VPS13A: variants seen among roughly 807,000 people sequenced by gnomAD.
VPS13A encodes intermembrane lipid transfer protein VPS13A.
A neutral mutation model predicts 390.9 loss-of-function variants in VPS13A; 264 were observed. That is an observed-to-expected ratio of 0.68 (90% CI 0.61 to 0.75). VPS13A has a LOEUF of 0.75. Ranked by LOEUF, VPS13A falls within the 30% of genes least tolerant of loss-of-function variation. VPS13A has a pLI of 0.00. For missense variants in VPS13A, 3,409 were observed against 3,733.9 expected (o/e 0.91, Z 2.27); for synonymous variants, 1,231 against 1,227.1 (o/e 1.00, Z -0.07).
At chr9:77,290,192 G>C (rs2131365096) in intron 31 of VPS13A, among the ~76,000 whole-genome samples, 1 of 152,254 alleles carries the variant, frequency 6.6e-6, no homozygotes, top group South Asian at 2.1e-4. Context: ...ATTTTTCTGA[G>C]TGACATTTTT....
intron 68 of VPS13A, among the ~76,000 whole-genome samples, chr9:77,397,366 CAT>C (rs1390104068): frequency 5.9e-5 from 9 of 152,102 alleles, no homozygotes; most frequent in East Asian, 1.9e-4. Flanking sequence ...TTGTCTTCCA[CAT>C]GAGTCAGATA....
At chr9:77,394,939 G>A (rs1834062154) in intron 68 of VPS13A, among the ~76,000 whole-genome samples, 1 of 152,196 alleles carries the variant, frequency 6.6e-6, no homozygotes, top group South Asian at 2.1e-4. Context: ...GCTTTGGCTT[G>A]AAGAAATGTT....
intron 70 of VPS13A, among the ~76,000 whole-genome samples, chr9:77,407,072 T>C (rs1834648676): frequency 6.6e-6 from 1 of 152,180 alleles, no homozygotes; most frequent in South Asian, 2.1e-4. Context: ...ATGGCAGAAG[T>C]ACATACATGC....
chr9:77,419,868 T>TA lies in VPS13A; in HGVS notation c.*3863dup, dbSNP rs1455017557. ...AAGGCCTTTAAAAATGGGGAGCTAA[T>TA]ACGTAGGGCACATTCTGGTAGGGCC... On this transcript the variant is annotated 3_prime_UTR_variant, in exon 72 of 72. Coordinates refer to ENST00000360280, the MANE Select transcript of VPS13A (RefSeq NM_033305.3). 1 of 152,204 alleles carries TA rather than the reference T, an allele frequency of 6.6e-6. No individual in the cohort carries two copies. Among genetic ancestry groups the TA allele is most frequent in the East Asian group, 1.9e-4 (1 of 5,194 alleles). 9.4% of individuals were successfully genotyped at this position (152,204 alleles called of 1,614,324 possible).
intron 44 of VPS13A, 53 bp downstream of exon 44, chr9:77,321,799 T>A: frequency 6.3e-7 from 1 of 1,594,100 alleles, no homozygotes; most frequent in South Asian, 1.1e-5. Flanking sequence ...AAATTACAAT[T>A]TACATGTTAT....
intron 4 of VPS13A, 55 bp downstream of exon 4, chr9:77,205,463 A>G (rs1825585436): frequency 3.7e-6 from 3 of 819,894 alleles, no homozygotes; most frequent in Non-Finnish European, 1.8e-6. Flanking sequence ...ATGGATGGAA[A>G]AATATTTATA....
intron 54 of VPS13A, among the ~76,000 whole-genome samples, chr9:77,355,746 C>T (rs1831738576): frequency 6.6e-6 from 1 of 152,152 alleles, no homozygotes; most frequent in Non-Finnish European, 1.5e-5. Context: ...TTGAAATTGT[C>T]TTCGATTCCT....
chr9:77,204,526 A>G (rs1190703086), intron 3 of VPS13A, among the ~76,000 whole-genome samples: 2 of 152,204 alleles, frequency 1.3e-5, no homozygotes, highest in Non-Finnish European at 2.9e-5. Flanking sequence ...GATTATTACC[A>G]TATGTGTATA....
At chr9:77,411,676 A>AAAAAAAAAAAAAAAAAAAG (rs1834934483) in intron 71 of VPS13A, among the ~76,000 whole-genome samples, 1 of 148,420 alleles carries the variant, frequency 6.7e-6, no homozygotes, top group African/African-American at 2.5e-5. Context: ...AAAAAAAAAA[A>AAAAAAAAAAAAAAAAAAAG]AAAAAAAAAG....
At chr9:77,193,173 T>G (rs1300659610) in intron 1 of VPS13A, among the ~76,000 whole-genome samples, 2 of 152,162 alleles carry the variant, frequency 1.3e-5, no homozygotes, top group African/African-American at 4.8e-5. Flanking sequence ...TTGTAGTGAG[T>G]TTTTTAGCTC....
chr9:77,349,035 G>A (rs985797451), intron 52 of VPS13A, among the ~76,000 whole-genome samples: 6 of 150,954 alleles, frequency 4.0e-5, no homozygotes, highest in Admixed American at 2.0e-4. Flanking sequence ...CCTTCTCTTG[G>A]CTTTTAAAAA....
intron 13 of VPS13A, 57 bp downstream of exon 13, chr9:77,221,413 C>T: frequency 6.4e-7 from 1 of 1,567,830 alleles, no homozygotes. Flanking sequence ...CCTTATTGGT[C>T]TTCAGTGACT....
rs144232252 is a variant in VPS13A, at chr9:77,409,510, G to A, written c.9474+1903G>A. On this transcript the variant is annotated intron_variant, in intron 71 of 71. Coordinates refer to ENST00000360280, the MANE Select transcript of VPS13A (RefSeq NM_033305.3). ...ATGATCAAACTACACCAAGCTAAAGGAGGAAGTTCGAATCCATGGCAAGGA... is the reference window on the plus strand; with the variant it reads ...ATGATCAAACTACACCAAGCTAAAGAAGGAAGTTCGAATCCATGGCAAGGA... 9.4e-3 allele frequency among the ~76,000 whole-genome samples: 1,429 copies of A among 152,234 alleles called. 19 individuals carry two copies. The highest frequency in any genetic ancestry group is 0.022 in the East Asian group (112 of 5,166).
In VPS13A at chr9:77,318,219, A is replaced by AT; in HGVS notation, c.4957-9dup. On this transcript the variant is annotated splice_polypyrimidine_tract_variant and intron_variant, in intron 40 of 71. Coordinates refer to ENST00000360280, the MANE Select transcript of VPS13A (RefSeq NM_033305.3). ...GAAAGTGTTTTGTATAGACTTATTA[A>AT]TTTTTTTCCATTTAGGTTTCACCAG... 1 of 1,505,686 alleles carries AT rather than the reference A, an allele frequency of 6.6e-7. No individual in the cohort carries two copies. Among genetic ancestry groups the AT allele is most frequent in the Admixed American group, 1.8e-5 (1 of 54,292 alleles). 93.3% of individuals were successfully genotyped at this position (1,505,686 alleles called of 1,614,324 possible).
At chr9:77,264,345 A>G (rs1250097804) in intron 23 of VPS13A, among the ~76,000 whole-genome samples, 2 of 152,086 alleles carry the variant, frequency 1.3e-5, no homozygotes, top group Admixed American at 6.5e-5. Flanking sequence ...GTCAATGATA[A>G]CTTAATGGGG....
chr9:77,257,712 G>T (rs1286196717), intron 22 of VPS13A, among the ~76,000 whole-genome samples: 2 of 152,086 alleles, frequency 1.3e-5, no homozygotes, highest in African/African-American at 4.8e-5. Flanking sequence ...GCTACGGTGG[G>T]TTATGATTAT....
At chr9:77,405,320 T>C (rs1202517144) in intron 69 of VPS13A, among the ~76,000 whole-genome samples, 2 of 152,180 alleles carry the variant, frequency 1.3e-5, no homozygotes, top group South Asian at 4.1e-4. Flanking sequence ...GGGAAATACG[T>C]TACATGGAGC....
rs533413337 is a variant in VPS13A at position 77,406,414 on chromosome 9, G to GCAAT, written c.9399+430_9399+433dup. On this transcript the variant is annotated intron_variant, in intron 70 of 71. Transcript: ENST00000360280. Reference sequence around the variant, plus strand: ...CATGAGACCTTATATCTACAATTCTGCAATCATTCTTTTTTTCTTTTTTGA... The same window carrying GCAAT: ...CATGAGACCTTATATCTACAATTCTGCAATCAATCATTCTTTTTTTCTTTTTTGA... Among the ~76,000 whole-genome samples, 412 of 151,726 alleles carry GCAAT rather than the reference G, an allele frequency of 2.7e-3. 1 individual carries two copies. The highest frequency in any genetic ancestry group is 9.7e-3 in the African/African-American group (403 of 41,392).
intron 5 of VPS13A, among the ~76,000 whole-genome samples, chr9:77,208,962 AAG>A (rs1564631791): frequency 1.3e-5 from 2 of 152,334 alleles, no homozygotes; most frequent in African/African-American, 2.4e-5. Flanking sequence ...CAAAAGAAGA[AAG>A]AAGATCTTAT....
Sources: gnomAD v4.1 joint callset for allele counts (sites outside exome capture counted in the v4.1 genomes callset) on GRCh38, gnomAD v4.1.1 for gene constraint, MANE v1.5 for transcripts, NCBI Gene and HGNC (gene_info 2026-07-23, HGNC 2026-07-21) for gene names.